Variants in ZNF512 observed in about 807,000 individuals in gnomAD.
ZNF512 encodes the protein zinc finger protein 512.
In ZNF512, 25 loss-of-function variants were observed where a neutral mutation model predicts 77.5. The observed-to-expected ratio is 0.32, with a 90% confidence interval of 0.23 to 0.45. ZNF512 has a LOEUF of 0.45. Ranked by LOEUF, ZNF512 falls within the 20% of genes least tolerant of loss-of-function variation. The probability of loss-of-function intolerance (pLI) is 1.00; values close to 1 mark genes in which losing one functional copy is unlikely to be tolerated. For synonymous variants in ZNF512, 246 were observed against 239.9 expected, an observed-to-expected ratio of 1.03 and a Z score of -0.24; for missense variants, 483 against 692.6, an observed-to-expected ratio of 0.70 and a Z score of 3.40.
Position 27,599,538 on chromosome 2 carries a change from A to G in ZNF512, c.278-45A>G, listed in dbSNP as rs746559600. The G allele has an allele frequency of 4.1e-6, 6 of 1,461,354 alleles. 1 individual carries two copies. In the South Asian group the frequency reaches 6.8e-5, roughly 17 times the overall value. The allele number at this position is 1,461,354 out of a possible 1,614,324, so 90.5% of individuals were successfully genotyped here. ...TGAAGACAGGCCTAGATGTTCATTT[A>G]CAAAGTGTGCTGAGTTTTTGTTTTG... On this transcript the variant is annotated intron_variant, in intron 3 of 13. Coordinates refer to ENST00000355467, the MANE Select transcript of ZNF512 (RefSeq NM_032434.4).
At position 27,601,567 on chromosome 2, in the gene ZNF512, T is replaced by G. The variant is rs1672115886; in HGVS notation, c.669+125T>G. 16 of 739,836 alleles carry G rather than the reference T, an allele frequency of 2.2e-5. No homozygotes were observed. The East Asian group carries it at 4.0e-4, about 18-fold the overall frequency. The allele number at this position is 739,836 out of a possible 1,614,324, so 45.8% of individuals were successfully genotyped here. On this transcript the variant is annotated intron_variant, in intron 7 of 13. Transcript: ENST00000355467. Reference sequence around the variant, plus strand: ...TCGGCTTACTGCAACCTCCACCTCCTGGTTCAAGCGATTCTCGTGTCTCAG... The same window carrying G: ...TCGGCTTACTGCAACCTCCACCTCCGGGTTCAAGCGATTCTCGTGTCTCAG...
At chr2:27,603,586 G>GTGTGTGTGTGTGTGTGTGTATA (rs140043162) in intron 9 of ZNF512, among the ~76,000 whole-genome samples, 13 of 72,486 alleles carry the variant, frequency 1.8e-4, no homozygotes, top group African/African-American at 7.0e-4. Context: ...GTGTGTGTGT[G>GTGTGTGTGTGTGTGTGTGTATA]TATATTTTTT....
chr2:27,598,167 G>T lies in ZNF512; in HGVS notation c.190G>T (p.Val64Leu), dbSNP rs755918409. The T allele has an allele frequency of 8.7e-6, 14 of 1,614,036 alleles. No homozygotes were observed. The African/African-American group carries it at 1.5e-4, about 17-fold the overall frequency. The change falls in exon 3 of 14, where the codon GTG (valine) becomes TTG (leucine). Residue 64 changes from valine (V) to leucine (L), a missense_variant. Coordinates refer to ENST00000355467, the MANE Select transcript of ZNF512 (RefSeq NM_032434.4). The part of the protein sequence containing the change: ...GSSSASSCEP[V>L]SDFPASFRKS... ...ATCGTCTGCATCTTCGTGTGAACCA[G>T]TGAGTGATTTTCCAGCATCTTTCCG...
intron 12 of ZNF512, 29 bp from the exon 13 acceptor site, chr2:27,617,444 A>G (rs1258741465): frequency 1.1e-6 from 1 of 896,236 alleles, no homozygotes; most frequent in African/African-American, 1.6e-5. Flanking sequence ...TTTACCAGTA[A>G]TTCTTTTTTG....
chr2:27,612,745 G>C (rs1469701334), intron 10 of ZNF512, among the ~76,000 whole-genome samples: 1 of 152,008 alleles, frequency 6.6e-6, no homozygotes, highest in Admixed American at 6.6e-5. Context: ...CTGTATTTGC[G>C]TATACTTCTT....
At chr2:27,595,428 G>A (rs1399510328) in intron 2 of ZNF512, among the ~76,000 whole-genome samples, 3 of 151,742 alleles carry the variant, frequency 2.0e-5, no homozygotes, top group African/African-American at 4.8e-5. Flanking sequence ...AGGTTCAAGC[G>A]ATTCTCCTGC....
At chr2:27,594,346 C>T (rs548156577) in intron 2 of ZNF512, among the ~76,000 whole-genome samples, 13 of 138,016 alleles carry the variant, frequency 9.4e-5, no homozygotes, top group African/African-American at 2.2e-4. Flanking sequence ...GGGTGGCGGC[C>T]GGGCGGAGGC....
chr2:27,601,024 G>GT (rs1672094447), intron 6 of ZNF512, among the ~76,000 whole-genome samples: 1 of 152,136 alleles, frequency 6.6e-6, no homozygotes, highest in Admixed American at 6.5e-5. Context: ...GTAGACCTCA[G>GT]TTTCATTTGT....
intron 2 of ZNF512, among the ~76,000 whole-genome samples, chr2:27,591,406 G>A (rs1423203310): frequency 6.6e-6 from 1 of 152,066 alleles, no homozygotes; most frequent in Non-Finnish European, 1.5e-5. Flanking sequence ...GTACAATTAA[G>A]TTCTTAAAAT....
intron 2 of ZNF512, among the ~76,000 whole-genome samples, chr2:27,584,375 A>G (rs1210120147): frequency 6.6e-6 from 1 of 152,226 alleles, no homozygotes; most frequent in Non-Finnish European, 1.5e-5. Context: ...AGTACACTGA[A>G]GGTGCTTAGT....
At chr2:27,617,357 TTCTTA>T in intron 12 of ZNF512, 111 bp from the exon 13 acceptor site, 1 of 647,476 alleles carries the variant, frequency 1.5e-6, no homozygotes, top group Non-Finnish European at 2.8e-6. Context: ...ATCTTTTTCC[TTCTTA>T]TCTTTGCTGA....
rs191212957 is a variant in ZNF512 at position 27,598,461 on chromosome 2, C to G, written c.277+207C>G. 4.1e-4 allele frequency among the ~76,000 whole-genome samples: 63 copies of G among 152,128 alleles called. No individual in the cohort carries two copies. The East Asian group carries it at 0.012, about 29-fold the overall frequency. Reference sequence around the variant, plus strand: ...TGGCTAACATGGTGAAACCCCGTCTCTACTAAAAATACAAAAAATTAGCGG... The same window carrying G: ...TGGCTAACATGGTGAAACCCCGTCTGTACTAAAAATACAAAAAATTAGCGG... On this transcript the variant is annotated intron_variant, in intron 3 of 13. Coordinates refer to ENST00000355467, the MANE Select transcript of ZNF512 (RefSeq NM_032434.4).
intron 9 of ZNF512, among the ~76,000 whole-genome samples, chr2:27,604,655 C>A (rs1165487613): frequency 1.3e-5 from 2 of 152,112 alleles, no homozygotes; most frequent in African/African-American, 4.8e-5. Flanking sequence ...GTGGTGTACA[C>A]CTGTAGTCCC....
At chr2:27,587,029 A>C (rs981178353) in intron 2 of ZNF512, among the ~76,000 whole-genome samples, 2 of 152,170 alleles carry the variant, frequency 1.3e-5, no homozygotes, top group Non-Finnish European at 2.9e-5. Flanking sequence ...GTGAACGTTC[A>C]TGTACAAGTC....
At chr2:27,593,878 G>A (rs547616707) in intron 2 of ZNF512, among the ~76,000 whole-genome samples, 14 of 151,934 alleles carry the variant, frequency 9.2e-5, no homozygotes, top group African/African-American at 2.9e-4. Flanking sequence ...GCATCCCAAG[G>A]CAGAAGAATT....
At chr2:27,603,052 G>T in intron 8 of ZNF512, 88 bp from the exon 9 acceptor site, 1 of 1,447,622 alleles carries the variant, frequency 6.9e-7, no homozygotes, top group Non-Finnish European at 9.5e-7. Context: ...TGTATTTTGT[G>T]GTGGTGAATG....
At chr2:27,601,674 G>A (rs201015549) in intron 7 of ZNF512, among the ~76,000 whole-genome samples, 1 of 150,788 alleles carries the variant, frequency 6.6e-6, no homozygotes, top group East Asian at 2.0e-4. Flanking sequence ...TTGAGACGGA[G>A]TTTCACTCTT....
At chr2:27,594,385 C>T (rs1225679634) in intron 2 of ZNF512, among the ~76,000 whole-genome samples, 1 of 128,704 alleles carries the variant, frequency 7.8e-6, no homozygotes, top group Non-Finnish European at 1.6e-5. Context: ...GGGGTGGCGG[C>T]CGGGCAGAGA....
At chr2:27,603,094 G>A (rs1672198918) in intron 8 of ZNF512, 46 bp from the exon 9 acceptor site, 2 of 1,600,784 alleles carry the variant, frequency 1.2e-6, no homozygotes. Flanking sequence ...TAGGGATCAT[G>A]TCAAAAGATG....
Sources: allele counts gnomAD v4.1 joint callset (sites outside exome capture counted in the v4.1 genomes callset), GRCh38; gene constraint gnomAD v4.1.1; transcripts MANE v1.5; gene names NCBI Gene and HGNC (gene_info 2026-07-23, HGNC 2026-07-21).